HEATR5A: variants seen among roughly 807,000 people sequenced by gnomAD.
The protein encoded by HEATR5A is HEAT repeat-containing protein 5A.
A neutral mutation model predicts 218.8 loss-of-function variants in HEATR5A; 178 were observed. The ratio of observed to expected loss-of-function variants is 0.81; its 90% confidence interval spans 0.72 to 0.92. The LOEUF (loss-of-function observed/expected upper bound fraction) is 0.92. Among genes scored for constraint, HEATR5A ranks in the 40% least tolerant of loss-of-function variants. The pLI is 0.00. For missense variants in HEATR5A, 2,420 were observed against 2,418.9 expected (o/e 1.00, Z -0.01); for synonymous variants, 864 against 871.6 (o/e 0.99, Z 0.15).
chr14:31,382,449 T>TA (rs2030029829), intron 10 of HEATR5A, among the ~76,000 whole-genome samples: 1 of 152,190 alleles, frequency 6.6e-6, no homozygotes, highest in South Asian at 2.1e-4. Context: ...TGTATTTTTT[T>TA]AAATATATTT....
At chr14:31,323,034 A>G (rs1900160217) in intron 24 of HEATR5A, among the ~76,000 whole-genome samples, 1 of 152,182 alleles carries the variant, frequency 6.6e-6, no homozygotes, top group South Asian at 2.1e-4. Context: ...ATGATACTAA[A>G]ATAATCTGTA....
intron 12 of HEATR5A, among the ~76,000 whole-genome samples, chr14:31,374,221 A>T (rs775528431): frequency 1.3e-5 from 2 of 150,874 alleles, no homozygotes; most frequent in Non-Finnish European, 2.9e-5. Context: ...TGAGAGGATC[A>T]CTAGCCCAGC....
chr14:31,344,277 T>TTTTTTTTTC (rs1900946494), intron 20 of HEATR5A, among the ~76,000 whole-genome samples: 1 of 124,940 alleles, frequency 8.0e-6, no homozygotes, highest in Non-Finnish European at 1.7e-5. Flanking sequence ...TCTTTTTTTT[T>TTTTTTTTTC]TTTTTTTTTT....
At chr14:31,334,571 A>C (rs937182699) in intron 22 of HEATR5A, 1 of 384,578 alleles carries the variant, frequency 2.6e-6, no homozygotes, top group Non-Finnish European at 5.2e-6. Context: ...CTAAAATGCT[A>C]TCAAAAAGCA....
At chr14:31,313,586 T>C (rs535493970) in intron 27 of HEATR5A, among the ~76,000 whole-genome samples, 1 of 152,282 alleles carries the variant, frequency 6.6e-6, no homozygotes, top group Non-Finnish European at 1.5e-5. Flanking sequence ...TAAAGCTCTA[T>C]AAAAAGTGTA....
In HEATR5A at chr14:31,378,072, G is replaced by A. The variant is rs77004693; in HGVS notation, c.1708+2395C>T. ...TTAATTCACCAGGAACTTCAATACG[G>A]CAGGCATGAACACCCAGCAATAAGC... On this transcript the variant is annotated intron_variant, in intron 11 of 35. Coordinates refer to ENST00000543095, the MANE Select transcript of HEATR5A (RefSeq NM_015473.4). 9.9e-3 allele frequency among the ~76,000 whole-genome samples: 1,501 copies of A among 152,234 alleles called. 19 individuals are homozygous for A. Among genetic ancestry groups the A allele is most frequent in the African/African-American group, 0.034 (1,425 of 41,538 alleles).
chr14:31,319,523 G>A (rs1900020629), intron 25 of HEATR5A, among the ~76,000 whole-genome samples: 1 of 152,126 alleles, frequency 6.6e-6, no homozygotes, highest in African/African-American at 2.4e-5. Flanking sequence ...GTTGGTATTA[G>A]CTGAACGAAG....
chr14:31,402,771 G>C lies in HEATR5A; in HGVS notation c.126+79C>G, dbSNP rs1047061992. The C allele has an allele frequency of 5.2e-6, 7 of 1,347,870 alleles. No homozygotes were observed. The African/African-American group carries it at 1.0e-4, about 20-fold the overall frequency. 83.5% of individuals were successfully genotyped at this position (1,347,870 alleles called of 1,614,324 possible). A position where few individuals can be genotyped will look rare whatever the true frequency, so the allele number is the denominator to read the frequency against. On this transcript the variant is annotated intron_variant, in intron 2 of 35. Transcript: ENST00000543095. ...TTGTAAAGCTAAATTAGGTTATTCT[G>C]GAAAAAACTAGAAAAGCAAACCAAA...
intron 1 of HEATR5A, among the ~76,000 whole-genome samples, chr14:31,413,468 G>C (rs1266722320): frequency 6.6e-6 from 1 of 151,042 alleles, no homozygotes; most frequent in Non-Finnish European, 1.5e-5. Flanking sequence ...ATGATGGCGA[G>C]ATTGCCAGTG....
At chr14:31,403,416 T>C (rs972014153) in intron 1 of HEATR5A, among the ~76,000 whole-genome samples, 2 of 152,230 alleles carry the variant, frequency 1.3e-5, no homozygotes, top group African/African-American at 4.8e-5. Flanking sequence ...TATTAACAAA[T>C]GACACCAAAC....
At chr14:31,390,333 C>T (rs1054109044) in intron 6 of HEATR5A, among the ~76,000 whole-genome samples, 1 of 152,002 alleles carries the variant, frequency 6.6e-6, no homozygotes, top group African/African-American at 2.4e-5. Flanking sequence ...TGTCATGCTG[C>T]TGCTGTGTTG....
rs1899897151 is a variant in HEATR5A, at chr14:31,315,911, G to A, written c.4077C>T (p.Asp1359=). 3 of 1,575,268 alleles carry A rather than the reference G, an allele frequency of 1.9e-6. No homozygotes were observed. The highest frequency in any genetic ancestry group is 1.4e-5 in the African/African-American group (1 of 74,058). ...SAWIASGVVS[D]LNDLRRVHQL... ...GATGAACTCTTCGGAGATCATTAAG[G>A]TCACTTACAACTCCACTTGCTATCC... The change falls in exon 27 of 36, where the codon GAC becomes GAT. Residue 1359 remains aspartate, a synonymous_variant. Coordinates refer to ENST00000543095, the MANE Select transcript of HEATR5A (RefSeq NM_015473.4).
chr14:31,312,082 T>C (rs548123473), intron 28 of HEATR5A, among the ~76,000 whole-genome samples: 35 of 152,256 alleles, frequency 2.3e-4, no homozygotes, highest in African/African-American at 7.9e-4. Flanking sequence ...CAATTAAAAC[T>C]GACAGGGAGA....
intron 16 of HEATR5A, among the ~76,000 whole-genome samples, chr14:31,355,541 T>G (rs2139225769): frequency 6.6e-6 from 1 of 152,058 alleles, no homozygotes; most frequent in East Asian, 1.9e-4. Context: ...GAGACCAGCT[T>G]GGCCAACATT....
chr14:31,371,776 G>T, intron 13 of HEATR5A, 34 bp downstream of exon 13: 1 of 1,028,974 alleles, frequency 9.7e-7, no homozygotes, highest in Non-Finnish European at 1.4e-6. Flanking sequence ...CATAATCAGA[G>T]GGCAACTATC....
At chr14:31,370,564 C>G (rs905168022) in intron 13 of HEATR5A, among the ~76,000 whole-genome samples, 3 of 152,112 alleles carry the variant, frequency 2.0e-5, no homozygotes, top group African/African-American at 7.2e-5. Context: ...CATAAAAATA[C>G]GTTTTAGCAT....
chr14:31,363,686 A>G (rs997297190), intron 14 of HEATR5A, among the ~76,000 whole-genome samples: 6 of 152,208 alleles, frequency 3.9e-5, no homozygotes, highest in Admixed American at 1.3e-4. Context: ...GTTTTTTAAA[A>G]AAAAGTATTT....
At chr14:31,376,775 G>A (rs533932312) in intron 11 of HEATR5A, among the ~76,000 whole-genome samples, 1 of 152,250 alleles carries the variant, frequency 6.6e-6, no homozygotes, top group Non-Finnish European at 1.5e-5. Flanking sequence ...AAAAAACAGA[G>A]AAGACATGTT....
At chr14:31,379,077 G>A (rs1174627510) in intron 11 of HEATR5A, among the ~76,000 whole-genome samples, 1 of 150,980 alleles carries the variant, frequency 6.6e-6, no homozygotes, top group South Asian at 2.1e-4. Context: ...CTGTAGCTGG[G>A]ACTACAGGCA....
Sources: gnomAD v4.1 joint callset for allele counts (sites outside exome capture counted in the v4.1 genomes callset) on GRCh38, gnomAD v4.1.1 for gene constraint, MANE v1.5 for transcripts, NCBI Gene and HGNC (gene_info 2026-07-23, HGNC 2026-07-21) for gene names.